The following CTNNA2 variants were observed in gnomAD, a reference collection of about 807,000 sequenced individuals.
CTNNA2 encodes the protein catenin alpha 2.
CTNNA2 carries 42 observed loss-of-function variants against 101.0 expected under a neutral mutation model. The ratio of observed to expected loss-of-function variants is 0.42; its 90% CI spans 0.32 to 0.54. CTNNA2 has a LOEUF of 0.54. Among genes scored for constraint, CTNNA2 ranks in the 20% least tolerant of loss-of-function variants. CTNNA2 has a pLI of 0.14. For synonymous variants in CTNNA2, 450 were observed against 456.4 expected (o/e 0.99, Z 0.18); for missense variants, 871 against 1,223.1 (o/e 0.71, Z 4.29).
intron 17 of CTNNA2, 43 bp downstream of exon 17, chr2:80,608,361 G>T: frequency 6.3e-7 from 1 of 1,576,372 alleles, no homozygotes; most frequent in Non-Finnish European, 8.7e-7. Flanking sequence ...TCCCACCGTT[G>T]CACTTCCAAG....
At chr2:79,531,094 C>T (rs1367493584) in intron 1 of CTNNA2, among the ~76,000 whole-genome samples, 1 of 151,238 alleles carries the variant, frequency 6.6e-6, no homozygotes, top group Non-Finnish European at 1.5e-5. Flanking sequence ...GCTAAAATCT[C>T]ACTTTGTAAT....
At chr2:80,568,797 A>G (rs1159006284) in intron 12 of CTNNA2, among the ~76,000 whole-genome samples, 1 of 152,186 alleles carries the variant, frequency 6.6e-6, no homozygotes, top group Admixed American at 6.5e-5. Flanking sequence ...CTGTGGGTCC[A>G]TTTCATATTT....
At chr2:80,394,732 AC>A (rs1677840937) in intron 8 of CTNNA2, among the ~76,000 whole-genome samples, 1 of 151,890 alleles carries the variant, frequency 6.6e-6, no homozygotes, top group South Asian at 2.1e-4. Flanking sequence ...TCTTGGTCTT[AC>A]AAAAATAAGG....
At chr2:80,488,024 T>A (rs7600563) in intron 9 of CTNNA2, among the ~76,000 whole-genome samples, 1 of 152,044 alleles carries the variant, frequency 6.6e-6, no homozygotes, top group African/African-American at 2.4e-5. Flanking sequence ...GTTTTAAAGC[T>A]AAGGAAATTA....
chr2:80,047,547 C>T (rs1008104322), intron 7 of CTNNA2, among the ~76,000 whole-genome samples: 13 of 152,148 alleles, frequency 8.5e-5, no homozygotes, highest in Admixed American at 2.0e-4. Flanking sequence ...CAGCAAGCCT[C>T]CCCTCCTTGG....
At chr2:80,620,803 G>C (rs1229045814) in intron 18 of CTNNA2, among the ~76,000 whole-genome samples, 1 of 151,816 alleles carries the variant, frequency 6.6e-6, no homozygotes, top group Non-Finnish European at 1.5e-5. Flanking sequence ...CAGCTGCCAG[G>C]TAAGAAATGC....
chr2:79,728,346 T>G (rs1686991050), intron 2 of CTNNA2, among the ~76,000 whole-genome samples: 1 of 152,282 alleles, frequency 6.6e-6, no homozygotes, highest in Non-Finnish European at 1.5e-5. Context: ...GAGCATTTTT[T>G]CACTGTATCT....
chr2:79,711,722 A>T (rs1409473165), intron 2 of CTNNA2, among the ~76,000 whole-genome samples: 3 of 152,158 alleles, frequency 2.0e-5, no homozygotes, highest in Non-Finnish European at 4.4e-5. Context: ...AAAGGGTCAG[A>T]TAGTGAATAT....
intron 2 of CTNNA2, among the ~76,000 whole-genome samples, chr2:79,253,434 T>C (rs1021907099): frequency 2.0e-5 from 3 of 152,216 alleles, no homozygotes; most frequent in African/African-American, 4.8e-5. Flanking sequence ...CACTGGTGCA[T>C]GTTAATGATC....
intron 7 of CTNNA2, among the ~76,000 whole-genome samples, chr2:79,915,312 C>A (rs63123960): frequency 6.4e-5 from 2 of 31,444 alleles, no homozygotes; most frequent in Admixed American, 3.6e-4. Flanking sequence ...CACAAACACA[C>A]ACACACACAC....
intron 9 of CTNNA2, among the ~76,000 whole-genome samples, chr2:80,437,989 A>G (rs1045301391): frequency 6.6e-6 from 1 of 151,718 alleles, no homozygotes; most frequent in African/African-American, 2.4e-5. Context: ...AGACTGGGCA[A>G]CAAGAGCAAA....
intron 2 of CTNNA2, among the ~76,000 whole-genome samples, chr2:79,305,583 A>G (rs1309400742): frequency 6.6e-6 from 1 of 151,930 alleles, no homozygotes; most frequent in Non-Finnish European, 1.5e-5. Context: ...TATTGCTTAC[A>G]TAGATATTAT....
chr2:80,494,652 T>C (rs1559155831), intron 9 of CTNNA2, among the ~76,000 whole-genome samples: 1 of 134,012 alleles, frequency 7.5e-6, no homozygotes, highest in Non-Finnish European at 1.7e-5. Context: ...CATGATTTAG[T>C]TAGAACTGCT....
At chr2:80,413,161 G>A (rs1419645522) in intron 8 of CTNNA2, among the ~76,000 whole-genome samples, 2 of 152,134 alleles carry the variant, frequency 1.3e-5, no homozygotes, top group African/African-American at 4.8e-5. Context: ...ATGTTGATCT[G>A]GCTGTTGATC....
At chr2:80,448,950 G>T (rs1683276941) in intron 9 of CTNNA2, among the ~76,000 whole-genome samples, 1 of 152,008 alleles carries the variant, frequency 6.6e-6, no homozygotes, top group African/African-American at 2.4e-5. Flanking sequence ...TCAAATTTCT[G>T]CCATATATTT....
intron 4 of CTNNA2, among the ~76,000 whole-genome samples, chr2:79,474,953 C>T (rs150243285): frequency 6.6e-4 from 101 of 152,200 alleles, no homozygotes; most frequent in African/African-American, 2.3e-3. Flanking sequence ...TCCAGCTCTC[C>T]ATGAAGAGTG....
chr2:80,119,834 G>GTGGACTATGTAAGACAA (rs1176847612), intron 7 of CTNNA2, among the ~76,000 whole-genome samples: 46 of 152,312 alleles, frequency 3.0e-4, no homozygotes, highest in African/African-American at 1.1e-3. Flanking sequence ...GTGATCTCCA[G>GTGGACTATGTAAGACAA]TGGACTATGT....
At position 80,589,381 on chromosome 2, in the gene CTNNA2, C is replaced by T. The variant is rs1194297075; in HGVS notation, c.2085C>T (p.Ser695=). The T allele has an allele frequency of 1.9e-6, 3 of 1,614,020 alleles. No homozygotes were observed. Among genetic ancestry groups the T allele is most frequent in the Admixed American group, 3.3e-5 (2 of 60,012 alleles). The part of the protein sequence containing the change: ...EQVEIFHQEK[S]KLDAEVAKWD... ...TGGAGATATTCCATCAAGAGAAAAGCAAGCTGGATGCAGAAGTGGCCAAAT... is the reference window on the plus strand; with the variant it reads ...TGGAGATATTCCATCAAGAGAAAAGTAAGCTGGATGCAGAAGTGGCCAAAT... Residue 695 remains serine (S), a synonymous_variant, in exon 15 of 19, where the codon AGC becomes AGT. Coordinates refer to ENST00000402739, the MANE Select transcript of CTNNA2 (RefSeq NM_001282597.3).
chr2:79,889,492 G>A (rs1684155763), intron 6 of CTNNA2, among the ~76,000 whole-genome samples: 1 of 152,194 alleles, frequency 6.6e-6, no homozygotes. Context: ...CATTGGCCAT[G>A]CTAAACAATG....
Sources: allele counts gnomAD v4.1 joint callset (sites outside exome capture counted in the v4.1 genomes callset), GRCh38; gene constraint gnomAD v4.1.1; transcripts MANE v1.5; gene names NCBI Gene and HGNC (gene_info 2026-07-23, HGNC 2026-07-21).